PPP1R9A: variants seen among roughly 807,000 people sequenced by gnomAD.
PPP1R9A encodes the protein protein phosphatase 1 regulatory subunit 9A.
Under a neutral mutation model 141.9 loss-of-function variants are expected in PPP1R9A, and 59 were observed. That is an observed-to-expected ratio of 0.42 (90% CI 0.34 to 0.52). The LOEUF (loss-of-function observed/expected upper bound fraction) is 0.52. Among genes scored for constraint, PPP1R9A ranks in the 20% least tolerant of loss-of-function variants. The pLI is 0.10. For synonymous variants in PPP1R9A, 500 were observed against 569.7 expected (o/e 0.88, Z 1.74); for missense variants, 1,444 against 1,611.9 (o/e 0.90, Z 1.78).
intron 2 of PPP1R9A, among the ~76,000 whole-genome samples, chr7:94,989,326 G>A (rs1479060976): frequency 6.6e-6 from 1 of 152,026 alleles, no homozygotes; most frequent in Non-Finnish European, 1.5e-5. Flanking sequence ...ATTATAAACA[G>A]TTCAAAGAAG....
At chr7:95,273,844 T>A (rs1802647221) in intron 14 of PPP1R9A, 55 bp from the exon 15 acceptor site, 1 of 1,407,388 alleles carries the variant, frequency 7.1e-7, no homozygotes, top group African/African-American at 1.4e-5. Flanking sequence ...GACTTTTGAA[T>A]TGTGACTTTA....
chr7:95,114,640 T>TCC (rs1821146203), intron 3 of PPP1R9A, among the ~76,000 whole-genome samples: 1 of 152,136 alleles, frequency 6.6e-6, no homozygotes, highest in Non-Finnish European at 1.5e-5. Context: ...GATTTCAATA[T>TCC]ATTTCTTTCA....
intron 12 of PPP1R9A, among the ~76,000 whole-genome samples, chr7:95,259,943 T>A (rs912981483): frequency 6.6e-6 from 1 of 152,156 alleles, no homozygotes; most frequent in Admixed American, 6.5e-5. Context: ...AATGTAAACT[T>A]TCACAATTTT....
rs773280077 is a variant in PPP1R9A, at chr7:95,268,703, G to A, written c.2819G>A (p.Arg940Lys). The A allele has an allele frequency of 6.2e-7, 1 of 1,612,674 alleles. No individual in the cohort carries two copies. Among genetic ancestry groups the A allele is most frequent in the Non-Finnish European group, 8.5e-7 (1 of 1,179,002 alleles). Residue 940 changes from arginine (R) to lysine (K), a missense_variant, in exon 13 of 20, where the codon AGA (arginine) becomes AAA (lysine). Around this residue, in one of 5 missense-constraint regions of PPP1R9A, gnomAD observed 459 missense variants for 513.8 expected, o/e 0.89. Transcript: ENST00000433360. ...SSTDGEDSLE[R>K]KPSNSFYNHM... ...ACAGATGGGGAGGACAGTCTAGAGA[G>A]AAAGGTGAGCACCCTTGACCGTTTC...
At chr7:95,183,485 C>G (rs573107610) in intron 5 of PPP1R9A, among the ~76,000 whole-genome samples, 14 of 131,478 alleles carry the variant, frequency 1.1e-4, no homozygotes, top group African/African-American at 2.9e-4. Flanking sequence ...GAGTCTTGCT[C>G]TGTTGCCCAG....
intron 2 of PPP1R9A, among the ~76,000 whole-genome samples, chr7:95,031,249 T>C (rs757384110): frequency 1.3e-5 from 2 of 152,184 alleles, no homozygotes; most frequent in Non-Finnish European, 2.9e-5. Context: ...ATTCCTAACG[T>C]TGGCAGCTGA....
intron 2 of PPP1R9A, among the ~76,000 whole-genome samples, chr7:94,921,448 A>G (rs1264051535): frequency 6.9e-6 from 1 of 144,362 alleles, no homozygotes; most frequent in Non-Finnish European, 1.5e-5. Flanking sequence ...CTCCGGCTCA[A>G]AAAAAAAAAA....
At chr7:95,123,764 A>G (rs1823053568) in intron 4 of PPP1R9A, among the ~76,000 whole-genome samples, 1 of 152,174 alleles carries the variant, frequency 6.6e-6, no homozygotes, top group Non-Finnish European at 1.5e-5. Context: ...TATTCAACAA[A>G]TTACTTAATT....
chr7:94,978,432 T>G (rs1435464484), intron 2 of PPP1R9A, among the ~76,000 whole-genome samples: 1 of 152,208 alleles, frequency 6.6e-6, no homozygotes, highest in Non-Finnish European at 1.5e-5. Flanking sequence ...TATTACAGAT[T>G]CTCCTTCAGT....
At chr7:95,079,946 T>A (rs1444098214) in intron 2 of PPP1R9A, among the ~76,000 whole-genome samples, 1 of 152,120 alleles carries the variant, frequency 6.6e-6, no homozygotes, top group African/African-American at 2.4e-5. Context: ...CTCAAAATAA[T>A]AAGAGCTATC....
chr7:94,994,352 G>A (rs918597314), intron 2 of PPP1R9A, among the ~76,000 whole-genome samples: 6 of 152,036 alleles, frequency 3.9e-5, no homozygotes, highest in Non-Finnish European at 7.4e-5. Flanking sequence ...AAGAAAGGGC[G>A]GGAGAAGATC....
At chr7:95,190,085 A>G (rs898452752) in intron 5 of PPP1R9A, among the ~76,000 whole-genome samples, 2 of 151,212 alleles carry the variant, frequency 1.3e-5, no homozygotes, top group African/African-American at 4.8e-5. Context: ...TCCCTTGCGC[A>G]TGTTATAGAA....
intron 2 of PPP1R9A, among the ~76,000 whole-genome samples, chr7:95,033,017 T>A (rs537967372): frequency 2.6e-5 from 4 of 152,098 alleles, no homozygotes; most frequent in Middle Eastern, 3.4e-3. Context: ...TTAATTTTTT[T>A]ATTTTGAGAC....
At chr7:95,258,672 C>T (rs542730338) in intron 12 of PPP1R9A, among the ~76,000 whole-genome samples, 1 of 152,158 alleles carries the variant, frequency 6.6e-6, no homozygotes, top group Admixed American at 6.5e-5. Flanking sequence ...ATAAGAAAAA[C>T]ACAACCAACA....
At chr7:95,091,270 T>C (rs779684905) in intron 2 of PPP1R9A, among the ~76,000 whole-genome samples, 1 of 151,784 alleles carries the variant, frequency 6.6e-6, no homozygotes, top group African/African-American at 2.4e-5. Context: ...CAGAAAGTTA[T>C]GCCTGTTAAA....
intron 2 of PPP1R9A, among the ~76,000 whole-genome samples, chr7:94,995,041 T>G (rs1477338357): frequency 6.6e-6 from 1 of 152,226 alleles, no homozygotes; most frequent in African/African-American, 2.4e-5. Context: ...TGATGAATTC[T>G]TCCAGCTTTT....
At chr7:95,011,069 T>G (rs1804349020) in intron 2 of PPP1R9A, among the ~76,000 whole-genome samples, 2 of 152,182 alleles carry the variant, frequency 1.3e-5, no homozygotes, top group South Asian at 4.1e-4. Context: ...GTGTTGCCTT[T>G]CAGAATTCAG....
chr7:94,910,264 T>C lies in PPP1R9A; in HGVS notation c.151T>C (p.Ser51Pro), dbSNP rs770263110. The C allele has an allele frequency of 1.9e-6, 3 of 1,614,024 alleles. No individual in the cohort carries two copies. Among genetic ancestry groups the C allele is most frequent in the Non-Finnish European group, 2.5e-6 (3 of 1,180,004 alleles). ...GEQKTKEGEG[S>P]QQSRGRKYGS... The stretch of plus-strand genomic sequence containing the variant: ...ACAAAAAACAAAAGAAGGTGAGGGC[T>C]CCCAGCAGAGCAGGGGGAGGAAATA... The change falls in exon 2 of 20, where the codon TCC becomes CCC. Residue 51 changes from serine to proline, a missense_variant. Physicochemically the swap from Ser to Pro is moderately conservative, Grantham distance 74. Coordinates refer to ENST00000433360, the MANE Select transcript of PPP1R9A (RefSeq NM_001166160.2). The surrounding 1 kb of genome is among the most constrained non-coding windows in gnomAD (Gnocchi z 4.5).
chr7:95,217,428 T>C (rs1793638342), intron 7 of PPP1R9A, among the ~76,000 whole-genome samples: 1 of 152,338 alleles, frequency 6.6e-6, no homozygotes, highest in South Asian at 2.1e-4. Context: ...TCTAAAATTC[T>C]CTTTTTTTTT....
Sources: allele counts gnomAD v4.1 joint callset (sites outside exome capture counted in the v4.1 genomes callset), GRCh38; gene constraint gnomAD v4.1.1; regional missense constraint gnomAD v4.1.1; non-coding constraint Gnocchi (gnomAD v3.1); transcripts MANE v1.5; gene names NCBI Gene and HGNC (gene_info 2026-07-23, HGNC 2026-07-21).